DNAJC15: variants seen among roughly 807,000 people sequenced by gnomAD.
DNAJC15 encodes the protein DnaJ heat shock protein family (Hsp40) member C15, also known as dnaJ homolog subfamily C member 15.
Under a neutral mutation model 22.4 loss-of-function variants are expected in DNAJC15, and 27 were observed. That is an observed-to-expected ratio of 1.20 (90% CI 0.89 to 1.66). The LOEUF is 1.66. Among genes scored for constraint, DNAJC15 ranks in the 40% most tolerant of loss-of-function variants. The probability of loss-of-function intolerance (pLI) is 0.00; values close to 1 mark genes in which losing one functional copy is unlikely to be tolerated. For missense variants in DNAJC15, 208 were observed against 187.1 expected (o/e 1.11, Z -0.65); for synonymous variants, 79 against 63.2 (o/e 1.25, Z -1.19).
In DNAJC15 at chr13:43,113,743, G is replaced by A. The variant is rs116822093; in HGVS notation, c.*6495G>A. The A allele has an allele frequency of 6.6e-6, 1 of 152,322 alleles. No homozygotes were observed. The highest frequency in any genetic ancestry group is 1.5e-5 in the Non-Finnish European group (1 of 68,024). The allele number at this position is 152,322 out of a possible 1,614,324, so 9.4% of individuals were successfully genotyped here. A position where few individuals can be genotyped will look rare whatever the true frequency, so the allele number is the denominator to read the frequency against. On this transcript the variant is annotated 3_prime_UTR_variant, in exon 6 of 6. Transcript: ENST00000379221. ...ATAGTTAAGAGTTGACTGCAGAAGT[G>A]TTTACACTTTGGCTTCCATGCCTCT...
At chr13:43,096,261 AAAGCTGCTAAAAATTTTATGCAGTCCT>A (rs2040739088) in intron 5 of DNAJC15, among the ~76,000 whole-genome samples, 2 of 152,232 alleles carry the variant, frequency 1.3e-5, no homozygotes, top group Non-Finnish European at 2.9e-5. Flanking sequence ...CAACAGCATA[AAAGCTGCTAAAAATTTTATGCAGTCCT>A]AAGCTGCATA....
At chr13:43,075,110 A>G (rs1358157045) in intron 3 of DNAJC15, among the ~76,000 whole-genome samples, 1 of 152,098 alleles carries the variant, frequency 6.6e-6, no homozygotes, top group East Asian at 1.9e-4. Flanking sequence ...CTCTTTGTAT[A>G]CTTTTCTGCA....
chr13:43,063,448 T>C (rs1311737791), intron 1 of DNAJC15, among the ~76,000 whole-genome samples: 2 of 152,228 alleles, frequency 1.3e-5, no homozygotes, highest in African/African-American at 2.4e-5. Context: ...TGCTATACTG[T>C]TGGGATGCAT....
intron 1 of DNAJC15, among the ~76,000 whole-genome samples, chr13:43,055,289 AAAT>A (rs1439629924): frequency 3.3e-5 from 5 of 151,874 alleles, no homozygotes; most frequent in African/African-American, 1.2e-4. Context: ...GGTCCCAACT[AAAT>A]CGTCAGGCCC....
intron 1 of DNAJC15, among the ~76,000 whole-genome samples, chr13:43,031,564 A>G (rs752218702): frequency 2.6e-5 from 4 of 152,204 alleles, no homozygotes; most frequent in Admixed American, 6.5e-5. Context: ...TGATGGCAGC[A>G]ATAAGAGTGA....
chr13:43,059,076 G>T (rs1197508635), intron 1 of DNAJC15, among the ~76,000 whole-genome samples: 1 of 152,108 alleles, frequency 6.6e-6, no homozygotes, highest in African/African-American at 2.4e-5. Flanking sequence ...AAAAGTTCAC[G>T]GTGTGAGTCT....
At chr13:43,035,157 T>C (rs1177990881) in intron 1 of DNAJC15, among the ~76,000 whole-genome samples, 3 of 152,086 alleles carry the variant, frequency 2.0e-5, no homozygotes, top group Non-Finnish European at 4.4e-5. Flanking sequence ...TAAAGCGCTT[T>C]TGTGTTTGTT....
chr13:43,083,822 C>T (rs1052612115), intron 4 of DNAJC15, among the ~76,000 whole-genome samples: 8 of 152,060 alleles, frequency 5.3e-5, no homozygotes, highest in African/African-American at 1.2e-4. Context: ...GAGGTACCTA[C>T]AAGCCAAAAA....
In DNAJC15 at chr13:43,023,602, C is replaced by A. The variant is rs2040362213; in HGVS notation, c.-25C>A. 4 of 1,598,534 alleles carry A rather than the reference C, an allele frequency of 2.5e-6. No homozygotes were observed. Among genetic ancestry groups the A allele is most frequent in the Non-Finnish European group, 3.4e-6 (4 of 1,172,158 alleles). Reference sequence around the variant, plus strand: ...CCGCCTCGTAGTCACTGCCGCGGCGCCTTGAGTCTCCGGGCCGCCTTGCCA... The same window carrying A: ...CCGCCTCGTAGTCACTGCCGCGGCGACTTGAGTCTCCGGGCCGCCTTGCCA... On this transcript the variant is annotated 5_prime_UTR_variant, in exon 1 of 6. Transcript: ENST00000379221.
At chr13:43,054,229 C>G (rs1337689275) in intron 1 of DNAJC15, among the ~76,000 whole-genome samples, 1 of 152,132 alleles carries the variant, frequency 6.6e-6, no homozygotes, top group Non-Finnish European at 1.5e-5. Context: ...GTTAAACTAT[C>G]TCTGCATCCC....
At chr13:43,026,192 C>T (rs984622664) in intron 1 of DNAJC15, among the ~76,000 whole-genome samples, 3 of 152,212 alleles carry the variant, frequency 2.0e-5, no homozygotes, top group African/African-American at 7.2e-5. Flanking sequence ...CCTCAATTTA[C>T]ATGGCACTTG....
chr13:43,027,888 C>T (rs1024938001), intron 1 of DNAJC15, among the ~76,000 whole-genome samples: 1 of 152,160 alleles, frequency 6.6e-6, no homozygotes, highest in African/African-American at 2.4e-5. Flanking sequence ...AACTCCTGAC[C>T]TCAAGCGATC....
intron 3 of DNAJC15, among the ~76,000 whole-genome samples, chr13:43,077,422 C>A (rs2040638678): frequency 6.6e-6 from 1 of 152,152 alleles, no homozygotes; most frequent in African/African-American, 2.4e-5. Context: ...AAGCCTCAGC[C>A]AATCTCACAA....
At chr13:43,075,087 A>G (rs1290119474) in intron 3 of DNAJC15, among the ~76,000 whole-genome samples, 2 of 152,084 alleles carry the variant, frequency 1.3e-5, no homozygotes, top group Non-Finnish European at 2.9e-5. Flanking sequence ...GTAACATAGC[A>G]ATTTTTTGTT....
chr13:43,023,882 C>T (rs1390035382), intron 1 of DNAJC15, 148 bp downstream of exon 1: 7 of 752,740 alleles, frequency 9.3e-6, no homozygotes, highest in Non-Finnish European at 2.1e-6. Flanking sequence ...GTGGAGAGAC[C>T]GCTTTGTGCT....
rs34398144 is a variant in DNAJC15 at position 43,024,893 on chromosome 13, T to TAAAAAAA, written c.108+1171_108+1177dup. Among the ~76,000 whole-genome samples, 46 of 85,904 alleles carry TAAAAAAA rather than the reference T, an allele frequency of 5.4e-4. 2 individuals carry two copies. Among genetic ancestry groups the TAAAAAAA allele is most frequent in the African/African-American group, 1.7e-3 (37 of 21,662 alleles). 56.4% of individuals were successfully genotyped at this position (85,904 alleles called of 152,430 possible). On this transcript the variant is annotated intron_variant, in intron 1 of 5. Transcript: ENST00000379221. ...GCAACACAGGAGACCCCATCTCTGCTAAAAAAAAAAAAAAAAAATTAGCTG... is the reference window on the plus strand; with the variant it reads ...GCAACACAGGAGACCCCATCTCTGCTAAAAAAAAAAAAAAAAAAAAAAAAATTAGCTG...
In DNAJC15 at chr13:43,066,243, A is replaced by C. The variant is rs954890224; in HGVS notation, c.160+506A>C. Reference sequence around the variant, plus strand: ...TGCTAAAATTACGTTTTTCGAAAGAATAGTTCTTTTTTTTTTCTTTTTTTT... The same window carrying C: ...TGCTAAAATTACGTTTTTCGAAAGACTAGTTCTTTTTTTTTTCTTTTTTTT... On this transcript the variant is annotated intron_variant, in intron 2 of 5. Coordinates refer to ENST00000379221, the MANE Select transcript of DNAJC15 (RefSeq NM_013238.3). 1.4e-3 allele frequency among the ~76,000 whole-genome samples: 212 copies of C among 148,694 alleles called. 5 individuals carry two copies. Among genetic ancestry groups the C allele is most frequent in the Non-Finnish European group, 4.8e-4 (32 of 66,410 alleles).
intron 1 of DNAJC15, among the ~76,000 whole-genome samples, chr13:43,040,723 C>A (rs1260993778): frequency 6.6e-6 from 1 of 151,954 alleles, no homozygotes; most frequent in Non-Finnish European, 1.5e-5. Context: ...ATTTATTGGT[C>A]ATTCTTGGGT....
intron 1 of DNAJC15, among the ~76,000 whole-genome samples, chr13:43,027,927 G>C (rs915065070): frequency 1.3e-5 from 2 of 152,162 alleles, no homozygotes; most frequent in Non-Finnish European, 2.9e-5. Flanking sequence ...GAAGTGCTGG[G>C]ATTTCAGGGG....
Sources: allele counts gnomAD v4.1 joint callset (sites outside exome capture counted in the v4.1 genomes callset), GRCh38; gene constraint gnomAD v4.1.1; transcripts MANE v1.5; gene names NCBI Gene and HGNC (gene_info 2026-07-23, HGNC 2026-07-21).